PDE11A: variants seen among roughly 807,000 people sequenced by gnomAD.
PDE11A encodes dual 3',5'-cyclic-AMP and -GMP phosphodiesterase 11A.
PDE11A carries 100 observed loss-of-function variants against 100.5 expected under a neutral mutation model. That is an observed-to-expected ratio of 1.00 (90% CI 0.85 to 1.18). The LOEUF is 1.18. Among genes scored for constraint, PDE11A ranks in the 50% most tolerant of loss-of-function variants. PDE11A has a pLI of 0.00. For synonymous variants in PDE11A, 381 were observed against 420.8 expected, an observed-to-expected ratio of 0.91 and a Z score of 1.16; for missense variants, 1,141 against 1,152.6, an observed-to-expected ratio of 0.99 and a Z score of 0.15.
At chr2:177,644,365 A>G (rs532980016) in intron 19 of PDE11A, among the ~76,000 whole-genome samples, 141 of 152,360 alleles carry the variant, frequency 9.3e-4, no homozygotes, top group African/African-American at 3.3e-3. Context: ...ACACGGAGTC[A>G]AAGGAGATAA....
chr2:177,942,350 C>A (rs983249549), intron 2 of PDE11A, among the ~76,000 whole-genome samples: 2 of 152,082 alleles, frequency 1.3e-5, no homozygotes, highest in Non-Finnish European at 2.9e-5. Flanking sequence ...AAGTGCCCAG[C>A]AAATGTTAGC....
intron 2 of PDE11A, among the ~76,000 whole-genome samples, chr2:178,091,643 G>T (rs2087424479): frequency 6.6e-6 from 1 of 152,106 alleles, no homozygotes; most frequent in Non-Finnish European, 1.5e-5. Flanking sequence ...CATATCATTT[G>T]GGTGATAGAA....
At chr2:177,812,193 C>T (rs1445422123) in intron 9 of PDE11A, among the ~76,000 whole-genome samples, 1 of 151,952 alleles carries the variant, frequency 6.6e-6, no homozygotes, top group East Asian at 1.9e-4. Flanking sequence ...TTTGTAGGTA[C>T]ATAGTAGGTA....
chr2:177,736,554 G>C (rs1377175649), intron 10 of PDE11A, among the ~76,000 whole-genome samples: 1 of 151,518 alleles, frequency 6.6e-6, no homozygotes, highest in Admixed American at 6.6e-5. Flanking sequence ...GGAGGAAGAA[G>C]AATTTCCCCC....
intron 2 of PDE11A, among the ~76,000 whole-genome samples, chr2:177,972,536 G>C (rs897315389): frequency 3.3e-5 from 5 of 152,170 alleles, no homozygotes; most frequent in African/African-American, 1.2e-4. Context: ...GGAAAGCAGA[G>C]AGAGAGAGAT....
intron 13 of PDE11A, among the ~76,000 whole-genome samples, chr2:177,711,291 C>G (rs1189580971): frequency 6.6e-6 from 1 of 152,192 alleles, no homozygotes; most frequent in Non-Finnish European, 1.5e-5. Flanking sequence ...AACTATATTC[C>G]TTGAACGTGG....
intron 16 of PDE11A, among the ~76,000 whole-genome samples, chr2:177,680,386 C>T (rs1453810825): frequency 2.6e-5 from 4 of 152,182 alleles, no homozygotes; most frequent in Admixed American, 6.5e-5. Flanking sequence ...CTAGAACAGA[C>T]TCCTTATCTC....
intron 10 of PDE11A, among the ~76,000 whole-genome samples, chr2:177,753,528 T>C (rs983306618): frequency 1.3e-5 from 2 of 151,892 alleles, no homozygotes; most frequent in African/African-American, 4.8e-5. Context: ...TTTGCTTTTT[T>C]CTGAGGAAGA....
chr2:177,820,280 C>T lies in PDE11A; in HGVS notation c.1516G>A (p.Gly506Ser), dbSNP rs756353935. ...CAAAGAACAGATCTTATGTGAAAACCAGATATCTGGTCTGCCTAGGAAACA... is the reference window on the plus strand; with the variant it reads ...CAAAGAACAGATCTTATGTGAAAACTAGATATCTGGTCTGCCTAGGAAACA... ...RFDAEADQIS[G>S]FHIRSVLCVP... The change falls in exon 7 of 20, where the codon GGT becomes AGT. Residue 506 changes from glycine to serine, a missense_variant. By Grantham distance (56) the Gly-to-Ser change is moderately conservative. Transcript: ENST00000286063. 1.3e-6 allele frequency: 2 copies of T among 1,580,580 alleles called. No individual in the cohort carries two copies. Among genetic ancestry groups the T allele is most frequent in the African/African-American group, 1.3e-5 (1 of 74,152 alleles).
At chr2:177,920,791 G>A (rs759700567) in intron 2 of PDE11A, among the ~76,000 whole-genome samples, 6 of 151,984 alleles carry the variant, frequency 3.9e-5, no homozygotes, top group Non-Finnish European at 7.4e-5. Flanking sequence ...GGCCAGGCGC[G>A]GTCGCTCATG....
At chr2:177,989,294 G>T (rs2085975530) in intron 2 of PDE11A, among the ~76,000 whole-genome samples, 1 of 152,184 alleles carries the variant, frequency 6.6e-6, no homozygotes, top group Non-Finnish European at 1.5e-5. Flanking sequence ...TATCAATCCT[G>T]GATGTGGTTA....
chr2:177,853,089 A>T (rs1179737109), intron 5 of PDE11A, among the ~76,000 whole-genome samples: 1 of 151,716 alleles, frequency 6.6e-6, no homozygotes, highest in Admixed American at 6.6e-5. Context: ...CTAGCATCAT[A>T]TAATGACAAT....
intron 10 of PDE11A, among the ~76,000 whole-genome samples, chr2:177,731,774 G>A (rs1017543566): frequency 1.3e-5 from 2 of 152,112 alleles, no homozygotes; most frequent in African/African-American, 2.4e-5. Flanking sequence ...GGAGTCTATG[G>A]TATAAATCTG....
At chr2:177,638,295 A>C (rs959496434) in intron 19 of PDE11A, among the ~76,000 whole-genome samples, 1 of 152,022 alleles carries the variant, frequency 6.6e-6, no homozygotes, top group Non-Finnish European at 1.5e-5. Context: ...CACCGCGCCC[A>C]GCCTACTATA....
chr2:177,950,068 C>A (rs1029738500), intron 2 of PDE11A, among the ~76,000 whole-genome samples: 2 of 152,318 alleles, frequency 1.3e-5, no homozygotes, highest in Non-Finnish European at 2.9e-5. Flanking sequence ...TTCAAACTTA[C>A]AATAATGTTG....
intron 5 of PDE11A, among the ~76,000 whole-genome samples, chr2:177,865,011 A>G (rs2695722): frequency 0.97 from 148,221 of 152,250 alleles, 72,258 homozygotes; most frequent in Middle Eastern, 1. Context: ...CAGGCACAGT[A>G]GCTCACACCT....
chr2:177,834,580 G>C lies in PDE11A; in HGVS notation c.1500+5671C>G, dbSNP rs148241993. Among the ~76,000 whole-genome samples the C allele has an allele frequency of 7.5e-3, 1,149 of 152,302 alleles. 16 individuals are homozygous for C. Among genetic ancestry groups the C allele is most frequent in the African/African-American group, 0.026 (1,063 of 41,570 alleles). On this transcript the variant is annotated intron_variant, in intron 6 of 19. Coordinates refer to ENST00000286063, the MANE Select transcript of PDE11A (RefSeq NM_016953.4). The stretch of plus-strand genomic sequence containing the variant: ...GTCTGGGGCACACAGCCTGGGCCTG[G>C]GGTGGCTAGCTGGCCAGTGTTCCCC...
At chr2:177,858,235 A>G (rs550390538) in intron 5 of PDE11A, among the ~76,000 whole-genome samples, 1 of 152,254 alleles carries the variant, frequency 6.6e-6, no homozygotes, top group South Asian at 2.1e-4. Flanking sequence ...ACAGAAGCCA[A>G]AATTGACAAA....
At chr2:177,844,424 C>T (rs192674734) in intron 5 of PDE11A, among the ~76,000 whole-genome samples, 1 of 152,058 alleles carries the variant, frequency 6.6e-6, no homozygotes, top group Non-Finnish European at 1.5e-5. Context: ...ACATTAGGGA[C>T]TGGGTTTCAA....
Sources: allele counts gnomAD v4.1 joint callset (sites outside exome capture counted in the v4.1 genomes callset), GRCh38; gene constraint gnomAD v4.1.1; transcripts MANE v1.5; gene names NCBI Gene and HGNC (gene_info 2026-07-23, HGNC 2026-07-21).